Variants in SNCAIP observed in about 807,000 individuals in gnomAD.
SNCAIP encodes synuclein alpha interacting protein, also known as synphilin-1.
In SNCAIP, 43 loss-of-function variants were observed where a neutral mutation model predicts 86.7. That is an observed-to-expected ratio of 0.50 (90% CI 0.39 to 0.64). SNCAIP has a LOEUF of 0.64. Among genes scored for constraint, SNCAIP ranks in the 30% least tolerant of loss-of-function variants. The pLI, the probability that SNCAIP is intolerant of heterozygous loss-of-function variation, is 0.00. For synonymous variants in SNCAIP, 417 were observed against 427.2 expected (o/e 0.98, Z 0.29); for missense variants, 981 against 1,103.1 (o/e 0.89, Z 1.57).
rs571426392 is a variant in SNCAIP at position 122,367,711 on chromosome 5, C to G, written c.-46-23378C>G. Among the ~76,000 whole-genome samples, 324 of 152,142 alleles carry G rather than the reference C, an allele frequency of 2.1e-3. 5 individuals carry two copies. The highest frequency in any genetic ancestry group is 7.5e-3 in the African/African-American group (310 of 41,506). On this transcript the variant is annotated intron_variant, in intron 1 of 10. Coordinates refer to ENST00000261368, the MANE Select transcript of SNCAIP (RefSeq NM_005460.4). The stretch of plus-strand genomic sequence containing the variant: ...TGGCAAAGAACCCAGGTAGCACTTT[C>G]CCGTTTCAAGCAGAAAGCGCCTGTA...
At chr5:122,312,042 C>T (rs1323965052), upstream of SNCAIP, 1 of 146,178 alleles carries the variant, frequency 6.8e-6, no homozygotes, top group African/African-American at 2.5e-5. Context: ...CGCTGCGTTC[C>T]TTGTCCCCCA....
At chr5:122,323,285 TAA>T (rs1327671794) in intron 1 of SNCAIP, 4 of 152,330 alleles carry the variant, frequency 2.6e-5, no homozygotes, top group African/African-American at 9.6e-5. Flanking sequence ...AAATACAATT[TAA>T]AAGTCTAATC....
In SNCAIP at chr5:122,425,357, C is replaced by T; in HGVS notation, c.1008C>T (p.His336=). Residue 336 remains histidine, a synonymous_variant, in exon 5 of 11, where the codon CAC becomes CAT. Transcript: ENST00000261368. ...VKEGQISLLP[H]LAADNLDKIH... ...TAATCTTACTATTTATACAGCCACA[C>T]CTAGCTGCAGACAATCTAGACAAAA... 1 of 1,612,924 alleles carries T rather than the reference C, an allele frequency of 6.2e-7. No individual in the cohort carries two copies. The highest frequency in any genetic ancestry group is 8.5e-7 in the Non-Finnish European group (1 of 1,178,870).
intron 1 of SNCAIP, among the ~76,000 whole-genome samples, chr5:122,337,664 A>G (rs937482429): frequency 6.6e-6 from 1 of 152,110 alleles, no homozygotes; most frequent in Non-Finnish European, 1.5e-5. Context: ...TCAGCCTCCC[A>G]AGAAGCTGGG....
At chr5:122,377,045 A>G (rs1225455693) in intron 1 of SNCAIP, among the ~76,000 whole-genome samples, 1 of 152,144 alleles carries the variant, frequency 6.6e-6, no homozygotes, top group Non-Finnish European at 1.5e-5. Context: ...TTGAAATACC[A>G]TACTTACAAA....
At position 122,440,532 on chromosome 5, in the gene SNCAIP, C is replaced by CAA. The variant is rs1780638480; in HGVS notation, c.1297-97_1297-96insAA. The stretch of plus-strand genomic sequence containing the variant: ...TCTTGCTACGGTAAGCATGGTTTTA[C>CAA]CTAAGCTTCACAAATTAGGGTATTG... On this transcript the variant is annotated intron_variant, in intron 6 of 10. Coordinates refer to ENST00000261368, the MANE Select transcript of SNCAIP (RefSeq NM_005460.4). The CAA allele has an allele frequency of 2.5e-6, 3 of 1,191,184 alleles. No homozygotes were observed. The African/African-American group carries it at 4.5e-5, about 18-fold the overall frequency. The allele number at this position is 1,191,184 out of a possible 1,614,324, so 73.8% of individuals were successfully genotyped here. A position where few individuals can be genotyped will look rare whatever the true frequency, so the allele number is the denominator to read the frequency against.
At chr5:122,422,745 A>G (rs1434247687) in intron 3 of SNCAIP, 123 bp from the exon 4 acceptor site, 1 of 764,722 alleles carries the variant, frequency 1.3e-6, no homozygotes. Flanking sequence ...GTGCACTCTA[A>G]GTCATCCTCA....
At chr5:122,401,111 T>G (rs1445057681) in intron 2 of SNCAIP, 2 of 1,549,648 alleles carry the variant, frequency 1.3e-6, no homozygotes, top group East Asian at 4.9e-5. Flanking sequence ...GAGCTTGCCA[T>G]TGTCCTGAGA....
At chr5:122,366,132 G>C (rs1488033021) in intron 1 of SNCAIP, among the ~76,000 whole-genome samples, 1 of 152,142 alleles carries the variant, frequency 6.6e-6, no homozygotes, top group African/African-American at 2.4e-5. Context: ...CTCCAATGCT[G>C]AAAGAGCTGA....
In SNCAIP at chr5:122,418,338, C is replaced by A. The variant is rs375389306; in HGVS notation, c.131-4530C>A. 2.6e-5 allele frequency among the ~76,000 whole-genome samples: 4 copies of A among 152,224 alleles called. No homozygotes were observed. The South Asian group carries it at 6.2e-4, about 24-fold the overall frequency. On this transcript the variant is annotated intron_variant, in intron 3 of 10. Coordinates refer to ENST00000261368, the MANE Select transcript of SNCAIP (RefSeq NM_005460.4). Reference sequence around the variant, plus strand: ...TCATTTCCACAACATGTGTTATATCCCAAGTCTACCTCTGTTATTTTTGCT... The same window carrying A: ...TCATTTCCACAACATGTGTTATATCACAAGTCTACCTCTGTTATTTTTGCT...
chr5:122,422,881 C>G lies in SNCAIP; in HGVS notation c.144C>G (p.Ser48Arg). ...TTTTAAAAACAGTTTCTAGCTCTAG[C>G]TGGAATTGTGGCATCTCAACTCTTA... ...QNEDRSVSSSSWNCGISTLIT... is the reference protein window; with the variant it reads ...QNEDRSVSSSRWNCGISTLIT... Residue 48 changes from serine to arginine, a missense_variant, in exon 4 of 11, where the codon AGC becomes AGG. Transcript: ENST00000261368. 2 of 1,613,804 alleles carry G rather than the reference C, an allele frequency of 1.2e-6. No homozygotes were observed. The highest frequency in any genetic ancestry group is 1.7e-6 in the Non-Finnish European group (2 of 1,179,692).
intron 7 of SNCAIP, chr5:122,444,344 C>G (rs1781810553): frequency 5.0e-6 from 3 of 604,304 alleles, no homozygotes; most frequent in East Asian, 6.2e-5. Context: ...GCCTCCTCCT[C>G]TCCTTCCCAG....
At position 122,398,421 on chromosome 5, in the gene SNCAIP, G is replaced by A. The variant is rs375000198; in HGVS notation, c.58-5372G>A. Among the ~76,000 whole-genome samples the A allele has an allele frequency of 2.0e-5, 3 of 152,158 alleles. No individual in the cohort carries two copies. In the East Asian group the frequency reaches 5.8e-4, roughly 29 times the overall value. ...GAGGGCATGAAGTCTTCCTGAACTG[G>A]AAGGGCAGGCCTTTAGAGGGGAGGC... On this transcript the variant is annotated intron_variant, in intron 2 of 10. Coordinates refer to ENST00000261368, the MANE Select transcript of SNCAIP (RefSeq NM_005460.4).
chr5:122,405,357 G>A (rs563391069), intron 3 of SNCAIP, among the ~76,000 whole-genome samples: 2 of 152,320 alleles, frequency 1.3e-5, no homozygotes, highest in South Asian at 2.1e-4. Context: ...TTAATTGGAT[G>A]TAGGGAATAA....
At chr5:122,411,547 T>C (rs566992412) in intron 3 of SNCAIP, among the ~76,000 whole-genome samples, 1 of 152,180 alleles carries the variant, frequency 6.6e-6, no homozygotes, top group Non-Finnish European at 1.5e-5. Context: ...ACATATCTCC[T>C]TTGCTCTGAC....
intron 10 of SNCAIP, among the ~76,000 whole-genome samples, chr5:122,452,611 C>T (rs1471605241): frequency 6.6e-6 from 1 of 152,158 alleles, no homozygotes; most frequent in Non-Finnish European, 1.5e-5. Context: ...TGTAAATTGT[C>T]CTTGTTATAG....
rs753019999 is a variant in SNCAIP at position 122,316,991 on chromosome 5, C to A, written c.-47+4707C>A. Among the ~76,000 whole-genome samples the A allele has an allele frequency of 2.0e-5, 3 of 152,138 alleles. No individual in the cohort carries two copies. The South Asian group carries it at 6.2e-4, about 32-fold the overall frequency. ...CATTTTTATTGCACAAGTCTAAAAC[C>A]CCTGAAGACACTCAATAAATGTTAA... On this transcript the variant is annotated intron_variant, in intron 1 of 10. Transcript: ENST00000261368.
intron 1 of SNCAIP, among the ~76,000 whole-genome samples, chr5:122,380,304 C>T (rs1246002646): frequency 6.6e-6 from 1 of 152,198 alleles, no homozygotes; most frequent in African/African-American, 2.4e-5. Flanking sequence ...TCCATTTCTT[C>T]TAGATTTTCT....
At chr5:122,368,561 TTA>T (rs1482377707) in intron 1 of SNCAIP, among the ~76,000 whole-genome samples, 2 of 152,206 alleles carry the variant, frequency 1.3e-5, no homozygotes, top group Non-Finnish European at 2.9e-5. Flanking sequence ...CGACTCAGCC[TTA>T]GTGAACCTAA....
Sources: allele counts gnomAD v4.1 joint callset (sites outside exome capture counted in the v4.1 genomes callset), GRCh38; gene constraint gnomAD v4.1.1; transcripts MANE v1.5; gene names NCBI Gene and HGNC (gene_info 2026-07-23, HGNC 2026-07-21).